The following ENDOD1 variants were observed in gnomAD, a reference collection of about 807,000 sequenced individuals.
The protein encoded by ENDOD1 is endonuclease domain-containing 1 protein.
A neutral mutation model predicts 6.5 loss-of-function variants in ENDOD1; 9 were observed. The observed-to-expected ratio is 1.39, with a 90% CI of 0.84 to 2.43. The LOEUF (loss-of-function observed/expected upper bound fraction) is 2.43, where lower values mean the gene tolerates loss of function less well. ENDOD1 is among the 30% of genes most tolerant of loss of function. The pLI is 0.00. For missense variants in ENDOD1, 648 were observed against 635.5 expected, an observed-to-expected ratio of 1.02 and a Z score of -0.21; for synonymous variants, 255 against 255.2, an observed-to-expected ratio of 1.00 and a Z score of 0.01.
chr11:95,129,656 C>A lies in ENDOD1; in HGVS notation c.*77C>A. On this transcript the variant is annotated 3_prime_UTR_variant, in exon 2 of 2. Coordinates refer to ENST00000278505, the MANE Select transcript of ENDOD1 (RefSeq NM_015036.3). ...TTTGTCTTTACAATGGGTTTCTGTT[C>A]ACTGTCAGTTATCATTATATTTTGG... The A allele has an allele frequency of 6.8e-7, 1 of 1,476,092 alleles. No homozygotes were observed. 91.4% of individuals were successfully genotyped at this position (1,476,092 alleles called of 1,614,324 possible). A position where few individuals can be genotyped will look rare whatever the true frequency, so the allele number is the denominator to read the frequency against.
chr11:95,108,493 A>AC (rs1859113716), intron 1 of ENDOD1, among the ~76,000 whole-genome samples: 6 of 56,472 alleles, frequency 1.1e-4, no homozygotes, highest in African/African-American at 2.8e-4. Context: ...TCTCTTTTCT[A>AC]AACACACACA....
Position 95,113,353 on chromosome 11 carries a change from A to AT in ENDOD1, c.301-15017dup, listed in dbSNP as rs559413538. ...GTCTTATTTATTATTCTTTCTTTCT[A>AT]TTTTTTTGTACCCATTAACCGTCTC... On this transcript the variant is annotated intron_variant, in intron 1 of 1. Coordinates refer to ENST00000278505, the MANE Select transcript of ENDOD1 (RefSeq NM_015036.3). Among the ~76,000 whole-genome samples the AT allele has an allele frequency of 1.4e-3, 215 of 151,902 alleles. 2 individuals are homozygous for AT. The highest frequency in any genetic ancestry group is 5.0e-3 in the African/African-American group (209 of 41,450).
rs556256088 is a variant in ENDOD1, at chr11:95,099,199, C to T, written c.300+8972C>T. On this transcript the variant is annotated intron_variant, in intron 1 of 1. Coordinates refer to ENST00000278505, the MANE Select transcript of ENDOD1 (RefSeq NM_015036.3). ...ATGCAAGCAGACATTTTCCATAAGGCACCAGGTTAGAGCTGGGAAAAATGG... is the reference window on the plus strand; with the variant it reads ...ATGCAAGCAGACATTTTCCATAAGGTACCAGGTTAGAGCTGGGAAAAATGG... Among the ~76,000 whole-genome samples, 28 of 152,314 alleles carry T rather than the reference C, an allele frequency of 1.8e-4. No homozygotes were observed. In the South Asian group the frequency reaches 5.8e-3, roughly 32 times the overall value.
intron 1 of ENDOD1, among the ~76,000 whole-genome samples, chr11:95,111,806 A>C (rs1859153321): frequency 6.6e-6 from 1 of 152,184 alleles, no homozygotes; most frequent in African/African-American, 2.4e-5. Flanking sequence ...CCCCTGCTTT[A>C]GAGCTTCAGG....
At chr11:95,118,248 CA>C (rs1859229843) in intron 1 of ENDOD1, among the ~76,000 whole-genome samples, 1 of 152,138 alleles carries the variant, frequency 6.6e-6, no homozygotes, top group Admixed American at 6.5e-5. Context: ...TTACTATTAC[CA>C]GTGAGTTTTG....
chr11:95,108,284 T>G (rs1408111283), intron 1 of ENDOD1, among the ~76,000 whole-genome samples: 2 of 152,184 alleles, frequency 1.3e-5, no homozygotes, highest in Non-Finnish European at 2.9e-5. Context: ...CCATTTGTCT[T>G]TGTTTTCCCA....
At chr11:95,128,105 G>C (rs141281571) in intron 1 of ENDOD1, among the ~76,000 whole-genome samples, 205 of 152,354 alleles carry the variant, frequency 1.3e-3, no homozygotes, top group African/African-American at 4.7e-3. Flanking sequence ...TGGTGGGTGT[G>C]AGTGTGAGTG....
intron 1 of ENDOD1, among the ~76,000 whole-genome samples, chr11:95,127,444 A>G (rs749381356): frequency 4.6e-5 from 7 of 152,260 alleles, no homozygotes; most frequent in Admixed American, 1.3e-4. Flanking sequence ...AAGTTCAAAC[A>G]GCAACTGGTC....
In ENDOD1 at chr11:95,130,365, T is replaced by A. The variant is rs2134177270; in HGVS notation, c.*786T>A. 6.6e-6 allele frequency: 1 copy of A among 152,004 alleles called. No individual in the cohort carries two copies. The highest frequency in any genetic ancestry group is 2.1e-4 in the South Asian group (1 of 4,810). 9.4% of individuals were successfully genotyped at this position (152,004 alleles called of 1,614,324 possible). A position where few individuals can be genotyped will look rare whatever the true frequency, so the allele number is the denominator to read the frequency against. On this transcript the variant is annotated 3_prime_UTR_variant, in exon 2 of 2. Transcript: ENST00000278505. ...CCTTGAATGGTATAATACAGTCCTCTCCGGTGGAAAGAAGAGAAGAGAAGG... is the reference window on the plus strand; with the variant it reads ...CCTTGAATGGTATAATACAGTCCTCACCGGTGGAAAGAAGAGAAGAGAAGG...
rs1858913372 is a variant in ENDOD1 at position 95,090,148 on chromosome 11, G to A, written c.221G>A (p.Arg74His). The A allele has an allele frequency of 4.0e-6, 6 of 1,511,168 alleles. No individual in the cohort carries two copies. The highest frequency in any genetic ancestry group is 2.8e-5 in the East Asian group (1 of 36,256). 93.6% of individuals were successfully genotyped at this position (1,511,168 alleles called of 1,614,324 possible). A position where few individuals can be genotyped will look rare whatever the true frequency, so the allele number is the denominator to read the frequency against. Residue 74 changes from arginine to histidine, a missense_variant, in exon 1 of 2, where the codon CGC (arginine) becomes CAC (histidine). Arg to His is a conservative substitution (Grantham distance 29, BLOSUM62 0). Transcript: ENST00000278505. Reference protein sequence around the residue: ...RFATLYSTRDRIPVYSAFRAP... With the variant: ...RFATLYSTRDHIPVYSAFRAP... ...GCCACCCTCTACAGCACCCGGGACC[G>A]CATCCCCGTGTACTCCGCGTTCCGC...
chr11:95,090,257 C>T lies in ENDOD1; in HGVS notation c.300+30C>T, dbSNP rs1302934556. ...GCGAAGTGGTTCCCGAGCCGGGCTG[C>T]GGGCGCCGGAGACCGTGCCGCTGGA... On this transcript the variant is annotated intron_variant, in intron 1 of 1. Transcript: ENST00000278505. 4.4e-6 allele frequency: 6 copies of T among 1,356,222 alleles called. No homozygotes were observed. In the East Asian group the frequency reaches 1.2e-4, roughly 28 times the overall value. The allele number at this position is 1,356,222 out of a possible 1,614,324, so 84.0% of individuals were successfully genotyped here.
rs782165214 is a variant in ENDOD1, at chr11:95,090,057, C to T, written c.130C>T (p.Pro44Ser). 1.2e-6 allele frequency: 2 copies of T among 1,603,102 alleles called. No homozygotes were observed. The highest frequency in any genetic ancestry group is 1.7e-6 in the Non-Finnish European group (2 of 1,176,012). The change falls in exon 1 of 2, where the codon CCT (proline) becomes TCT (serine). Residue 44 changes from proline to serine, a missense_variant. Pro to Ser is a moderately conservative substitution (Grantham distance 74). Transcript: ENST00000278505. Reference sequence around the variant, plus strand: ...CAAGTTCTTCTACGCCGGGACCCCGCCTGCGGGGCTGGCGGCCGATTCCCA... The same window carrying T: ...CAAGTTCTTCTACGCCGGGACCCCGTCTGCGGGGCTGGCGGCCGATTCCCA... ...CDKFFYAGTP[P>S]AGLAADSHVK...
At chr11:95,116,483 G>T (rs481710) in intron 1 of ENDOD1, among the ~76,000 whole-genome samples, 1 of 152,190 alleles carries the variant, frequency 6.6e-6, no homozygotes. Flanking sequence ...CTACATTTCA[G>T]TTTCATTTAT....
At chr11:95,118,318 C>G (rs2134171836) in intron 1 of ENDOD1, among the ~76,000 whole-genome samples, 1 of 152,306 alleles carries the variant, frequency 6.6e-6, no homozygotes, top group Non-Finnish European at 1.5e-5. Flanking sequence ...TTGAAGTACT[C>G]CCTTTAGCAT....
chr11:95,103,502 C>G (rs186251032), intron 1 of ENDOD1, among the ~76,000 whole-genome samples: 3 of 152,238 alleles, frequency 2.0e-5, no homozygotes, highest in Non-Finnish European at 2.9e-5. Flanking sequence ...AAGATGTCGT[C>G]CTGGAACAAG....
At chr11:95,101,870 A>G (rs782208648) in intron 1 of ENDOD1, among the ~76,000 whole-genome samples, 2 of 152,236 alleles carry the variant, frequency 1.3e-5, no homozygotes, top group Non-Finnish European at 2.9e-5. Context: ...TAACTTAGAA[A>G]TAGAAGACCT....
intron 1 of ENDOD1, among the ~76,000 whole-genome samples, chr11:95,097,272 GA>G (rs1858995823): frequency 6.6e-6 from 1 of 152,150 alleles, no homozygotes. Flanking sequence ...ATCCAGGGAA[GA>G]GATCACTGAG....
At chr11:95,125,558 G>A (rs1591020856) in intron 1 of ENDOD1, among the ~76,000 whole-genome samples, 2 of 151,694 alleles carry the variant, frequency 1.3e-5, no homozygotes, top group Admixed American at 6.6e-5. Context: ...TCATCATTTA[G>A]CATTAGGTAT....
At chr11:95,109,922 G>T (rs1352468272) in intron 1 of ENDOD1, among the ~76,000 whole-genome samples, 1 of 152,210 alleles carries the variant, frequency 6.6e-6, no homozygotes, top group African/African-American at 2.4e-5. Flanking sequence ...AGGCTGCCAG[G>T]GTTCATATCC....
Sources: gnomAD v4.1 joint callset for allele counts (sites outside exome capture counted in the v4.1 genomes callset) on GRCh38, gnomAD v4.1.1 for gene constraint, MANE v1.5 for transcripts, NCBI Gene and HGNC (gene_info 2026-07-23, HGNC 2026-07-21) for gene names.